Variants in SH3D19 observed in about 807,000 individuals in gnomAD.
The protein encoded by SH3D19 is SH3 domain containing 19, also known as SH3 domain-containing protein 19.
A neutral mutation model predicts 112.1 loss-of-function variants in SH3D19; 58 were observed. That is an observed-to-expected ratio of 0.52 (90% CI 0.42 to 0.64). The LOEUF is 0.64. Ranked by LOEUF, SH3D19 falls within the 30% of genes least tolerant of loss-of-function variation. The pLI, the probability that SH3D19 is intolerant of heterozygous loss-of-function variation, is 0.00. For missense variants in SH3D19, 1,090 were observed against 1,263.4 expected, an observed-to-expected ratio of 0.86 and a Z score of 2.08; for synonymous variants, 391 against 448.5, an observed-to-expected ratio of 0.87 and a Z score of 1.62.
At chr4:151,199,396 C>A (rs1561329232) in intron 2 of SH3D19, among the ~76,000 whole-genome samples, 1 of 152,024 alleles carries the variant, frequency 6.6e-6, no homozygotes, top group Non-Finnish European at 1.5e-5. Flanking sequence ...CAGGAGAGAT[C>A]CAAGAAGGTA....
At position 151,256,363 on chromosome 4, in the gene SH3D19, G is replaced by A. The variant is rs370984829; in HGVS notation, c.113-30277C>T. 1.3e-4 allele frequency among the ~76,000 whole-genome samples: 20 copies of A among 152,324 alleles called. No homozygotes were observed. In the East Asian group the frequency reaches 3.3e-3, roughly 25 times the overall value. ...TTGAGAGAACATGGGCCTTGCCAAA[G>A]CACAGCTGGAAGCAGAAGTATTTGA... On this transcript the variant is annotated intron_variant, in intron 1 of 19. Coordinates refer to ENST00000604030, the MANE Select transcript of SH3D19 (RefSeq NM_001378122.1).
chr4:151,291,303 C>A lies in SH3D19; in HGVS notation c.112+33938G>T, dbSNP rs768251371. ...ATCTAGACTTCTCTGACTTCTTGTT[C>A]CCTATTGTCCTACTCTCTCTGGCTC... On this transcript the variant is annotated intron_variant, in intron 1 of 19. Transcript: ENST00000604030. The A allele has an allele frequency of 2.5e-6, 4 of 1,613,956 alleles. No individual in the cohort carries two copies. In the Admixed American group the frequency reaches 6.7e-5, roughly 27 times the overall value.
chr4:151,218,040 G>A (rs1216961230), intron 2 of SH3D19, among the ~76,000 whole-genome samples: 1 of 151,896 alleles, frequency 6.6e-6, no homozygotes, highest in Non-Finnish European at 1.5e-5. Context: ...AAGCAGACTA[G>A]GATAGACACT....
At position 151,281,304 on chromosome 4, in the gene SH3D19, C is replaced by T. The variant is rs1195625680; in HGVS notation, c.112+43937G>A. 2.0e-5 allele frequency among the ~76,000 whole-genome samples: 3 copies of T among 152,304 alleles called. No individual in the cohort carries two copies. In the East Asian group the frequency reaches 5.8e-4, roughly 29 times the overall value. The stretch of plus-strand genomic sequence containing the variant: ...AAACCAAAGTGAGCCCACTTATCAA[C>T]TCCAGGAGAAGCAAAACGTTTTATA... On this transcript the variant is annotated intron_variant, in intron 1 of 19. Coordinates refer to ENST00000604030, the MANE Select transcript of SH3D19 (RefSeq NM_001378122.1).
Position 151,175,200 on chromosome 4 carries a change from A to G in SH3D19, c.1004T>C (p.Val335Ala). 1 of 1,614,178 alleles carries G rather than the reference A, an allele frequency of 6.2e-7. No individual in the cohort carries two copies. The highest frequency in any genetic ancestry group is 8.5e-7 in the Non-Finnish European group (1 of 1,180,020). ...KPTVSSGKPS[V>A]APKPAANRAS... is the part of the protein sequence containing the mutation. ...TCTGTTAGCAGCTGGTTTGGGAGCT[A>G]CAGAAGGTTTCCCTGAGGAAACAGT... is the stretch of plus-strand genomic sequence containing the variant. The change falls in exon 7 of 20, where the codon GTA (valine) becomes GCA (alanine). Residue 335 changes from valine to alanine, a missense_variant. Physicochemically the swap from Val to Ala is moderately conservative, Grantham distance 64. Coordinates refer to ENST00000604030, the MANE Select transcript of SH3D19 (RefSeq NM_001378122.1).
intron 9 of SH3D19, among the ~76,000 whole-genome samples, chr4:151,152,449 T>C (rs1351809581): frequency 6.6e-6 from 1 of 152,128 alleles, no homozygotes; most frequent in African/African-American, 2.4e-5. Context: ...ATCTTTTTGT[T>C]CATCTGCACT....
chr4:151,201,150 C>T (rs1764337128), intron 2 of SH3D19, among the ~76,000 whole-genome samples: 1 of 152,198 alleles, frequency 6.6e-6, no homozygotes, highest in Admixed American at 6.5e-5. Context: ...ATGTCAAATT[C>T]ATGACCTCTA....
rs139867773 is a variant in SH3D19 at position 151,252,101 on chromosome 4, A to G, written c.113-26015T>C. ...CTCACCTTCCAATTGGTGAGCTGGG[A>G]TCTGTCCCCTGCTCAAGGACACCAT... On this transcript the variant is annotated intron_variant, in intron 1 of 19. Transcript: ENST00000604030. Among the ~76,000 whole-genome samples, 23 of 152,242 alleles carry G rather than the reference A, an allele frequency of 1.5e-4. No homozygotes were observed. The East Asian group carries it at 4.5e-3, about 29-fold the overall frequency.
intron 1 of SH3D19, among the ~76,000 whole-genome samples, chr4:151,287,983 A>G (rs1774985399): frequency 6.6e-6 from 1 of 152,216 alleles, no homozygotes; most frequent in African/African-American, 2.4e-5. Context: ...AAATCAATCA[A>G]TGTTAATATA....
At chr4:151,197,212 A>G (rs1216947834) in intron 2 of SH3D19, among the ~76,000 whole-genome samples, 2 of 152,234 alleles carry the variant, frequency 1.3e-5, no homozygotes, top group Non-Finnish European at 2.9e-5. Context: ...TCAAAAAAAA[A>G]AGAGTTAATC....
intron 1 of SH3D19, among the ~76,000 whole-genome samples, chr4:151,324,768 G>A (rs1231373809): frequency 1.3e-5 from 2 of 150,934 alleles, no homozygotes; most frequent in Non-Finnish European, 3.0e-5. Context: ...TGAGCTCGGC[G>A]GCTGGGGGAG....
At chr4:151,191,443 A>G (rs1024025850) in intron 2 of SH3D19, among the ~76,000 whole-genome samples, 1 of 152,146 alleles carries the variant, frequency 6.6e-6, no homozygotes, top group African/African-American at 2.4e-5. Context: ...TAACTTCCAC[A>G]ATTCTCATGT....
chr4:151,291,373 G>C, intron 1 of SH3D19: 1 of 1,614,036 alleles, frequency 6.2e-7, no homozygotes, highest in Non-Finnish European at 8.5e-7. Context: ...TATACACAGA[G>C]TAGGCACTGT....
At chr4:151,200,611 T>C (rs923104345) in intron 2 of SH3D19, among the ~76,000 whole-genome samples, 14 of 152,178 alleles carry the variant, frequency 9.2e-5, no homozygotes, top group Non-Finnish European at 1.8e-4. Flanking sequence ...CAAATTAGGG[T>C]TTACTTTATC....
chr4:151,159,475 C>T (rs889789238), intron 8 of SH3D19, 123 bp from the exon 9 acceptor site: 7 of 624,360 alleles, frequency 1.1e-5, no homozygotes, highest in African/African-American at 2.0e-5. Flanking sequence ...AATAGTTAAG[C>T]AAATGAGAAA....
rs145944578 is a variant in SH3D19 at position 151,313,476 on chromosome 4, G to A, written c.112+11765C>T. Among the ~76,000 whole-genome samples the A allele has an allele frequency of 5.7e-3, 867 of 152,000 alleles. 10 individuals are homozygous for A. Among genetic ancestry groups the A allele is most frequent in the African/African-American group, 0.02 (823 of 41,430 alleles). On this transcript the variant is annotated intron_variant, in intron 1 of 19. Transcript: ENST00000604030. ...CTGTCACCCAGGCTGGAGTGCAGTG[G>A]TGCAATCATGACTCACTGCAGCCTC...
Position 151,143,898 on chromosome 4 carries a change from T to C in SH3D19, c.2223+12A>G. 1 of 1,609,130 alleles carries C rather than the reference T, an allele frequency of 6.2e-7. No individual in the cohort carries two copies. On this transcript the variant is annotated intron_variant, in intron 12 of 19. Transcript: ENST00000604030. ...GTGTGATATGAGGGCTGTAACAATA[T>C]TAATTCCTTACGTTTGGTCTGCTTC...
chr4:151,291,635 C>T lies in SH3D19; in HGVS notation c.112+33606G>A, dbSNP rs111554955. Among the ~76,000 whole-genome samples, 699 of 152,248 alleles carry T rather than the reference C, an allele frequency of 4.6e-3. 1 individual carries two copies. The highest frequency in any genetic ancestry group is 8.0e-3 in the Non-Finnish European group (546 of 68,026). ...CATCTTCCAAGACAGGAAGGATGTC[C>T]TCTATGAATAAGCATTTGTAGACAC... On this transcript the variant is annotated intron_variant, in intron 1 of 19. Coordinates refer to ENST00000604030, the MANE Select transcript of SH3D19 (RefSeq NM_001378122.1).
intron 7 of SH3D19, 49 bp from the exon 8 acceptor site, chr4:151,165,745 A>G (rs779996640): frequency 6.8e-7 from 1 of 1,471,106 alleles, no homozygotes; most frequent in Middle Eastern, 1.7e-4. Flanking sequence ...ACATGGACTG[A>G]AACAAAAAAC....
Sources: gnomAD v4.1 joint callset for allele counts (sites outside exome capture counted in the v4.1 genomes callset) on GRCh38, gnomAD v4.1.1 for gene constraint, MANE v1.5 for transcripts, NCBI Gene and HGNC (gene_info 2026-07-23, HGNC 2026-07-21) for gene names.